Variants in FBLN1 observed in about 807,000 individuals in gnomAD.
The protein encoded by FBLN1 is fibulin-1.
Under a neutral mutation model 89.7 loss-of-function variants are expected in FBLN1, and 34 were observed. The ratio of observed to expected loss-of-function variants is 0.38; its 90% confidence interval spans 0.29 to 0.50. The LOEUF is 0.50. Ranked by LOEUF, FBLN1 falls within the 20% of genes least tolerant of loss-of-function variation. FBLN1 has a pLI of 0.92. For synonymous variants in FBLN1, 393 were observed against 391.3 expected (o/e 1.00, Z -0.05); for missense variants, 777 against 988.1 (o/e 0.79, Z 2.86).
Position 45,556,785 on chromosome 22 carries a change from C to G in FBLN1, c.1697+6170C>G, listed in dbSNP as rs2088793700. 6.6e-6 allele frequency among the ~76,000 whole-genome samples: 1 copy of G among 152,150 alleles called. No individual in the cohort carries two copies. Among genetic ancestry groups the G allele is most frequent in the South Asian group, 2.1e-4 (1 of 4,828 alleles). ...CAGTTTAATGGAATCCTTGTTCTGTCTCCTGGTGGCGGCGTTCCTCCCTCT... is the reference window on the plus strand; with the variant it reads ...CAGTTTAATGGAATCCTTGTTCTGTGTCCTGGTGGCGGCGTTCCTCCCTCT... On this transcript the variant is annotated intron_variant, in intron 14 of 16. Coordinates refer to ENST00000327858, the MANE Select transcript of FBLN1 (RefSeq NM_006486.3). This position sits in a 1 kb window ranked among gnomAD's most constrained non-coding sequence, Gnocchi z 4.6.
Position 45,575,112 on chromosome 22 carries a change from T to G in FBLN1, c.1840+459T>G, listed in dbSNP as rs1482601878. On this transcript the variant is annotated intron_variant, in intron 15 of 16. Transcript: ENST00000327858. This position sits in a 1 kb window ranked among gnomAD's most constrained non-coding sequence, Gnocchi z 6.3. ...ACATGCAGAACTTTCTTTGTGTCTG[T>G]GTCCCCCCCACACCCACCTGGCACA... Among the ~76,000 whole-genome samples the G allele has an allele frequency of 1.3e-5, 2 of 152,180 alleles. No individual in the cohort carries two copies. The highest frequency in any genetic ancestry group is 2.9e-5 in the Non-Finnish European group (2 of 68,032).
At chr22:45,518,166 TC>T (rs1299518648) in intron 1 of FBLN1, among the ~76,000 whole-genome samples, 6 of 152,072 alleles carry the variant, frequency 3.9e-5, no homozygotes, top group Non-Finnish European at 5.9e-5. Context: ...AATTTTTTTT[TC>T]CTTCTTACTT....
At position 45,545,450 on chromosome 22, in the gene FBLN1, G is replaced by A. The variant is rs2088613844; in HGVS notation, c.1322-1635G>A. ...CTGGCTTTATTATTATTTAGTAGAAGTAGTGGGATTCCTGGCTTGTGCTTC... is the reference window on the plus strand; with the variant it reads ...CTGGCTTTATTATTATTTAGTAGAAATAGTGGGATTCCTGGCTTGTGCTTC... On this transcript the variant is annotated intron_variant, in intron 11 of 16. Transcript: ENST00000327858. This position sits in a 1 kb window ranked among gnomAD's most constrained non-coding sequence, Gnocchi z 5.9. 6.6e-6 allele frequency among the ~76,000 whole-genome samples: 1 copy of A among 152,210 alleles called. No individual in the cohort carries two copies. Among genetic ancestry groups the A allele is most frequent in the Non-Finnish European group, 1.5e-5 (1 of 68,046 alleles).
chr22:45,532,600 G>A lies in FBLN1; in HGVS notation c.545-463G>A, dbSNP rs1213988599. 6.6e-6 allele frequency among the ~76,000 whole-genome samples: 1 copy of A among 152,196 alleles called. No homozygotes were observed. Among genetic ancestry groups the A allele is most frequent in the African/African-American group, 2.4e-5 (1 of 41,442 alleles). The stretch of plus-strand genomic sequence containing the variant: ...TGGGCTATGCAGAAAGACCAGGTAG[G>A]AGGCTGTGGCCACAGCCAGGTGGGC... On this transcript the variant is annotated intron_variant, in intron 5 of 16. Coordinates refer to ENST00000327858, the MANE Select transcript of FBLN1 (RefSeq NM_006486.3). The surrounding 1 kb of genome is among the most constrained non-coding windows in gnomAD (Gnocchi z 4.2).
At chr22:45,595,895 A>G (rs550902639) in intron 16 of FBLN1, among the ~76,000 whole-genome samples, 5 of 152,372 alleles carry the variant, frequency 3.3e-5, no homozygotes, top group African/African-American at 1.2e-4. Flanking sequence ...TTTGAGACAG[A>G]GTCTTGCTCT....
chr22:45,523,456 A>G (rs1159039806), intron 2 of FBLN1, among the ~76,000 whole-genome samples: 1 of 152,206 alleles, frequency 6.6e-6, no homozygotes, highest in Non-Finnish European at 1.5e-5. Flanking sequence ...TAATCCCACC[A>G]CTTCGGGAGG....
chr22:45,550,900 G>C lies in FBLN1; in HGVS notation c.1697+285G>C. 2.0e-6 allele frequency: 1 copy of C among 495,964 alleles called. No individual in the cohort carries two copies. The highest frequency in any genetic ancestry group is 3.3e-5 in the Admixed American group (1 of 30,630). 30.7% of individuals were successfully genotyped at this position (495,964 alleles called of 1,614,324 possible). A position where few individuals can be genotyped will look rare whatever the true frequency, so the allele number is the denominator to read the frequency against. ...GAAACCACAGCCCTCTTTTTTCCTA[G>C]GGTGGAAGCCTTGGGCAAGCTCTCT... On this transcript the variant is annotated intron_variant, in intron 14 of 16. Transcript: ENST00000327858. The surrounding 1 kb of genome is among the most constrained non-coding windows in gnomAD (Gnocchi z 8.4).
In FBLN1 at chr22:45,576,881, G is replaced by C; in HGVS notation, c.1841-96G>C. On this transcript the variant is annotated intron_variant, in intron 15 of 16. Transcript: ENST00000327858. The surrounding 1 kb of genome is among the most constrained non-coding windows in gnomAD (Gnocchi z 5.2). Reference sequence around the variant, plus strand: ...GTCTCATGAAAGGGCCCTGGGTTAGGTCTTCATTCCCCAAGGGTGAGTTCC... The same window carrying C: ...GTCTCATGAAAGGGCCCTGGGTTAGCTCTTCATTCCCCAAGGGTGAGTTCC... 6.8e-7 allele frequency: 1 copy of C among 1,476,288 alleles called. No individual in the cohort carries two copies. 91.4% of individuals were successfully genotyped at this position (1,476,288 alleles called of 1,614,324 possible).
At chr22:45,571,910 C>T (rs2088956240) in intron 14 of FBLN1, among the ~76,000 whole-genome samples, 3 of 152,098 alleles carry the variant, frequency 2.0e-5, no homozygotes, top group Admixed American at 2.0e-4. Flanking sequence ...GCAGGCAGAT[C>T]ACAATGTCAG....
rs1185068585 is a variant in FBLN1 at position 45,580,652 on chromosome 22, A to G, written c.1972+3544A>G. On this transcript the variant is annotated intron_variant, in intron 16 of 16. Transcript: ENST00000327858. The surrounding 1 kb of genome is among the most constrained non-coding windows in gnomAD (Gnocchi z 8.6). The stretch of plus-strand genomic sequence containing the variant: ...GCCTGGAGCCCGGTCTTCCCCAGAC[A>G]CCACACCCGCCCAGAGCCGGAGCCC... Among the ~76,000 whole-genome samples, 3 of 152,210 alleles carry G rather than the reference A, an allele frequency of 2.0e-5. No individual in the cohort carries two copies. The highest frequency in any genetic ancestry group is 7.2e-5 in the African/African-American group (3 of 41,474).
In FBLN1 at chr22:45,563,462, G is replaced by A; in HGVS notation, c.1698-11049G>A. 1 of 1,189,070 alleles carries A rather than the reference G, an allele frequency of 8.4e-7. No homozygotes were observed. Among genetic ancestry groups the A allele is most frequent in the Admixed American group, 2.5e-5 (1 of 40,514 alleles). The allele number at this position is 1,189,070 out of a possible 1,614,324, so 73.7% of individuals were successfully genotyped here. On this transcript the variant is annotated intron_variant, in intron 14 of 16. Transcript: ENST00000327858. The surrounding 1 kb of genome is among the most constrained non-coding windows in gnomAD (Gnocchi z 5.7). ...TGGCCACCGCCTGGTACCCCCGAGG[G>A]CTGACTGAGGAGCGCTCCCCACTAG...
rs185237298 is a variant in FBLN1 at position 45,573,713 on chromosome 22, C to T, written c.1698-798C>T. ...AAAAAAAAAAAAAACCCAAGTAGAG[C>T]ACTGCCGTGGGACTCAGGCTAGGGG... On this transcript the variant is annotated intron_variant, in intron 14 of 16. Coordinates refer to ENST00000327858, the MANE Select transcript of FBLN1 (RefSeq NM_006486.3). Among the ~76,000 whole-genome samples the T allele has an allele frequency of 2.4e-4, 34 of 140,152 alleles. No individual in the cohort carries two copies. The East Asian group carries it at 5.6e-3, about 23-fold the overall frequency. The allele number at this position is 140,152 out of a possible 152,430, so 91.9% of individuals were successfully genotyped here.
At chr22:45,564,705 C>G (rs538827581) in intron 14 of FBLN1, among the ~76,000 whole-genome samples, 1 of 152,338 alleles carries the variant, frequency 6.6e-6, no homozygotes, top group Admixed American at 6.5e-5. Context: ...CCAGAAGGCT[C>G]TGTGAAGGCA....
intron 8 of FBLN1, among the ~76,000 whole-genome samples, chr22:45,539,123 CTCCCCT>C (rs1183861761): frequency 1.6e-5 from 2 of 126,126 alleles, no homozygotes; most frequent in African/African-American, 6.0e-5. Context: ...TCCCCTCCCC[CTCCCCT>C]CCCACTTCCC....
rs539931964 is a variant in FBLN1, at chr22:45,587,671, T to C, written c.1972+10563T>C. 2.0e-5 allele frequency among the ~76,000 whole-genome samples: 3 copies of C among 152,242 alleles called. No homozygotes were observed. In the East Asian group the frequency reaches 5.8e-4, roughly 30 times the overall value. The stretch of plus-strand genomic sequence containing the variant: ...TGGCCTTCCGGCTCTGCAGAGCCGC[T>C]TGCATCTTACTCCTTCCTCTTCCCT... On this transcript the variant is annotated intron_variant, in intron 16 of 16. Transcript: ENST00000327858.
intron 16 of FBLN1, among the ~76,000 whole-genome samples, chr22:45,584,672 A>T (rs192025278): frequency 3.0e-4 from 45 of 152,298 alleles, no homozygotes; most frequent in Non-Finnish European, 5.3e-4. Flanking sequence ...TCTGGAGGAT[A>T]AATGAGCCGC....
At position 45,532,786 on chromosome 22, in the gene FBLN1, C is replaced by G. The variant is rs1346713530; in HGVS notation, c.545-277C>G. 7.4e-6 allele frequency: 4 copies of G among 540,110 alleles called. No individual in the cohort carries two copies. The East Asian group carries it at 9.8e-5, about 13-fold the overall frequency. 33.5% of individuals were successfully genotyped at this position (540,110 alleles called of 1,614,324 possible). On this transcript the variant is annotated intron_variant, in intron 5 of 16. Coordinates refer to ENST00000327858, the MANE Select transcript of FBLN1 (RefSeq NM_006486.3). This position sits in a 1 kb window ranked among gnomAD's most constrained non-coding sequence, Gnocchi z 4.2. Reference sequence around the variant, plus strand: ...GCAGTGAGCTCTTCTCTGCTTCGCCCCTTCCAGGTCCACCCCAGCCTACAA... The same window carrying G: ...GCAGTGAGCTCTTCTCTGCTTCGCCGCTTCCAGGTCCACCCCAGCCTACAA...
At chr22:45,570,355 GA>G (rs56383142) in intron 14 of FBLN1, among the ~76,000 whole-genome samples, 61,514 of 107,238 alleles carry the variant, frequency 0.57, 15,842 homozygotes, top group East Asian at 0.6. Context: ...GAAAAGAAAA[GA>G]AAAAAAAAAG....
At chr22:45,533,465 C>T (rs1289240002) in intron 6 of FBLN1, among the ~76,000 whole-genome samples, 1 of 152,202 alleles carries the variant, frequency 6.6e-6, no homozygotes, top group Non-Finnish European at 1.5e-5. Context: ...CTCTCCTGGC[C>T]CCCGCGTCTG....
Sources: allele counts gnomAD v4.1 joint callset (sites outside exome capture counted in the v4.1 genomes callset), GRCh38; gene constraint gnomAD v4.1.1; non-coding constraint Gnocchi (gnomAD v3.1); transcripts MANE v1.5; gene names NCBI Gene and HGNC (gene_info 2026-07-23, HGNC 2026-07-21).